The following PIGK variants were observed in gnomAD, a reference collection of about 807,000 sequenced individuals.
PIGK encodes the protein GPI-anchor transamidase.
A neutral mutation model predicts 50.6 loss-of-function variants in PIGK; 42 were observed. The observed-to-expected ratio is 0.83, with a 90% CI of 0.65 to 1.07. The LOEUF (loss-of-function observed/expected upper bound fraction) is 1.07. PIGK is among the 50% of genes least tolerant of loss of function. The pLI, the probability that PIGK is intolerant of heterozygous loss-of-function variation, is 0.00. For synonymous variants in PIGK, 151 were observed against 156.0 expected, an observed-to-expected ratio of 0.97 and a Z score of 0.24; for missense variants, 448 against 488.7, an observed-to-expected ratio of 0.92 and a Z score of 0.78.
chr1:77,104,141 A>T (rs975314066), intron 10 of PIGK, among the ~76,000 whole-genome samples: 1 of 152,132 alleles, frequency 6.6e-6, no homozygotes, highest in Non-Finnish European at 1.5e-5. Context: ...TAAAACAAAA[A>T]TCTAAAGTCC....
intron 3 of PIGK, among the ~76,000 whole-genome samples, chr1:77,181,799 A>G (rs1025221252): frequency 1.3e-5 from 2 of 152,194 alleles, no homozygotes; most frequent in Non-Finnish European, 2.9e-5. Context: ...AAATTCAACA[A>G]GTCAAGCTAA....
intron 5 of PIGK, among the ~76,000 whole-genome samples, chr1:77,164,232 T>G (rs1655189641): frequency 6.6e-6 from 1 of 152,174 alleles, no homozygotes; most frequent in Non-Finnish European, 1.5e-5. Flanking sequence ...AGAAATGAGT[T>G]TCCATTCACA....
intron 1 of PIGK, among the ~76,000 whole-genome samples, chr1:77,213,277 G>A (rs548269352): frequency 8.5e-5 from 13 of 152,280 alleles, no homozygotes; most frequent in East Asian, 5.8e-4. Flanking sequence ...TCGTCAGCAC[G>A]TGGAACATTC....
At chr1:77,188,602 C>A (rs1047935090) in intron 3 of PIGK, among the ~76,000 whole-genome samples, 1 of 152,130 alleles carries the variant, frequency 6.6e-6, no homozygotes, top group Non-Finnish European at 1.5e-5. Context: ...TATTCTATTA[C>A]CCTGTTAAGT....
intron 10 of PIGK, among the ~76,000 whole-genome samples, chr1:77,108,578 C>T (rs1248208554): frequency 3.3e-5 from 5 of 151,966 alleles, no homozygotes; most frequent in Non-Finnish European, 7.4e-5. Flanking sequence ...CTTGGAGTTG[C>T]TCTTCTCGAG....
intron 3 of PIGK, among the ~76,000 whole-genome samples, chr1:77,197,951 A>G (rs767752374): frequency 4.6e-5 from 7 of 152,196 alleles, no homozygotes; most frequent in Non-Finnish European, 1.0e-4. Context: ...TAAGACACCA[A>G]TAGGTTCACC....
chr1:77,128,060 C>T (rs561713699), intron 9 of PIGK, among the ~76,000 whole-genome samples: 43 of 152,142 alleles, frequency 2.8e-4, no homozygotes, highest in African/African-American at 1.0e-3. Flanking sequence ...CAGAAAGGTC[C>T]CAAGAGTCAC....
intron 9 of PIGK, among the ~76,000 whole-genome samples, chr1:77,137,247 GTCAC>G (rs969689048): frequency 2.0e-5 from 3 of 152,170 alleles, no homozygotes; most frequent in Non-Finnish European, 2.9e-5. Context: ...AAAATCAGAA[GTCAC>G]TCACTCAACC....
intron 3 of PIGK, among the ~76,000 whole-genome samples, chr1:77,183,781 T>A (rs769997078): frequency 3.3e-5 from 5 of 152,118 alleles, no homozygotes; most frequent in Non-Finnish European, 2.9e-5. Context: ...GATGGCCCAC[T>A]GTGAGAGGTG....
intron 9 of PIGK, among the ~76,000 whole-genome samples, chr1:77,127,312 A>G (rs1654254314): frequency 1.3e-5 from 2 of 152,284 alleles, no homozygotes; most frequent in South Asian, 4.1e-4. Flanking sequence ...CTGTAAAATT[A>G]TTTACTGTGT....
At chr1:77,115,531 A>T (rs1653941230) in intron 10 of PIGK, among the ~76,000 whole-genome samples, 1 of 152,096 alleles carries the variant, frequency 6.6e-6, no homozygotes. Context: ...TGCGATGCAC[A>T]GATCAGTCCT....
chr1:77,112,753 A>AGCTG (rs1256776244), intron 10 of PIGK, among the ~76,000 whole-genome samples: 12 of 152,170 alleles, frequency 7.9e-5, no homozygotes, highest in Non-Finnish European at 1.5e-4. Context: ...GCAGGTACAA[A>AGCTG]TATACAGCTA....
chr1:77,168,781 G>C (rs1615806), intron 4 of PIGK, among the ~76,000 whole-genome samples: 25,295 of 150,554 alleles, frequency 0.17, 3,653 homozygotes, highest in African/African-American at 0.39. Context: ...TTAAAATGAA[G>C]TTTCAAAGGG....
chr1:77,210,951 G>A (rs866406297), intron 1 of PIGK, among the ~76,000 whole-genome samples: 87 of 151,870 alleles, frequency 5.7e-4, no homozygotes, highest in African/African-American at 1.8e-3. Flanking sequence ...TCTATTTCCC[G>A]TACCCTGAGA....
intron 10 of PIGK, among the ~76,000 whole-genome samples, chr1:77,121,380 A>C (rs1184474990): frequency 6.6e-6 from 1 of 152,216 alleles, no homozygotes; most frequent in Non-Finnish European, 1.5e-5. Context: ...TTGCAATATT[A>C]AATTTTAATG....
At chr1:77,159,656 G>A (rs549116633) in intron 8 of PIGK, among the ~76,000 whole-genome samples, 3 of 152,334 alleles carry the variant, frequency 2.0e-5, no homozygotes, top group Middle Eastern at 3.4e-3. Flanking sequence ...AGTCAAAGGA[G>A]ATCATTTTGG....
At chr1:77,205,945 T>C (rs1017201800) in intron 3 of PIGK, among the ~76,000 whole-genome samples, 2 of 152,076 alleles carry the variant, frequency 1.3e-5, no homozygotes, top group Non-Finnish European at 2.9e-5. Context: ...AATAATGCCA[T>C]ATACTAGCTC....
intron 10 of PIGK, among the ~76,000 whole-genome samples, chr1:77,105,223 G>T (rs1368190974): frequency 2.6e-5 from 4 of 151,990 alleles, no homozygotes; most frequent in Non-Finnish European, 5.9e-5. Flanking sequence ...CTCCCTCGAA[G>T]TCCAGCCATC....
At chr1:77,205,901 T>C (rs1324827150) in intron 3 of PIGK, among the ~76,000 whole-genome samples, 1 of 152,146 alleles carries the variant, frequency 6.6e-6, no homozygotes, top group Non-Finnish European at 1.5e-5. Context: ...CGAGTCTTCA[T>C]ATAAAGCAAA....
Sources: allele counts gnomAD v4.1 joint callset (sites outside exome capture counted in the v4.1 genomes callset), GRCh38; gene constraint gnomAD v4.1.1; transcripts MANE v1.5; gene names NCBI Gene and HGNC (gene_info 2026-07-23, HGNC 2026-07-21).